Variants in CCP110 observed in about 807,000 individuals in gnomAD.
The protein encoded by CCP110 is centriolar coiled-coil protein 110, also known as centriolar coiled-coil protein of 110 kDa.
CCP110 carries 43 observed loss-of-function variants against 105.5 expected under a neutral mutation model. That is an observed-to-expected ratio of 0.41 (90% CI 0.32 to 0.53). The LOEUF (loss-of-function observed/expected upper bound fraction) is 0.53, where lower values mean the gene tolerates loss of function less well. CCP110 is among the 20% of genes least tolerant of loss of function. The pLI, the probability that CCP110 is intolerant of heterozygous loss-of-function variation, is 0.32. For synonymous variants in CCP110, 353 were observed against 392.1 expected, an observed-to-expected ratio of 0.90 and a Z score of 1.18; for missense variants, 1,016 against 1,189.1, an observed-to-expected ratio of 0.85 and a Z score of 2.14.
Position 19,548,979 on chromosome 16 carries a change from G to A in CCP110, c.2986+379G>A, listed in dbSNP as rs1970550221. Among the ~76,000 whole-genome samples, 1 of 152,162 alleles carries A rather than the reference G, an allele frequency of 6.6e-6. No individual in the cohort carries two copies. Among genetic ancestry groups the A allele is most frequent in the Non-Finnish European group, 1.5e-5 (1 of 68,034 alleles). On this transcript the variant is annotated intron_variant, in intron 14 of 14. Coordinates refer to ENST00000381396, the Ensembl canonical transcript of CCP110. This position sits in a 1 kb window ranked among gnomAD's most constrained non-coding sequence, Gnocchi z 4.1. ...CTTGGGGAAGTGTATCTGCACATAAGGGGATAAACTTTCTCCCTCAGACTA... is the reference window on the plus strand; with the variant it reads ...CTTGGGGAAGTGTATCTGCACATAAAGGGATAAACTTTCTCCCTCAGACTA...
intron 3 of CCP110, among the ~76,000 whole-genome samples, chr16:19,534,929 G>A (rs962911223): frequency 2.1e-5 from 3 of 146,270 alleles, no homozygotes; most frequent in Admixed American, 6.9e-5. Flanking sequence ...CGCCCAGGCC[G>A]GAGTGCAGTG....
intron 2 of CCP110, among the ~76,000 whole-genome samples, chr16:19,531,627 G>A (rs1269806656): frequency 2.0e-5 from 3 of 152,186 alleles, no homozygotes; most frequent in African/African-American, 7.2e-5. Flanking sequence ...TTGTGCACTG[G>A]TTAGAAAATT....
intron 14 of CCP110, among the ~76,000 whole-genome samples, chr16:19,550,036 T>TTAACCCTTGAA (rs1440751595): frequency 6.6e-6 from 1 of 152,206 alleles, no homozygotes; most frequent in Non-Finnish European, 1.5e-5. Flanking sequence ...ACAAATGAAC[T>TTAACCCTTGAA]TAACCCTTGA....
intron 8 of CCP110, among the ~76,000 whole-genome samples, chr16:19,544,401 G>A (rs1970392566): frequency 6.6e-6 from 1 of 152,178 alleles, no homozygotes; most frequent in Admixed American, 6.5e-5. Context: ...TTCCACATCT[G>A]TGGATTCAAC....
intron 2 of CCP110, among the ~76,000 whole-genome samples, chr16:19,529,628 G>A (rs1969793115): frequency 6.6e-6 from 1 of 152,140 alleles, no homozygotes; most frequent in Admixed American, 6.5e-5. Flanking sequence ...ACGGAGACCT[G>A]ACACTGCTCC....
chr16:19,530,050 A>C (rs185253209), intron 2 of CCP110, among the ~76,000 whole-genome samples: 294 of 152,088 alleles, frequency 1.9e-3, no homozygotes, highest in Non-Finnish European at 2.9e-3. Context: ...TACAAAAAAG[A>C]GCTGGGTGTG....
chr16:19,548,521 T>A lies in CCP110; in HGVS notation c.2907T>A (p.Pro969=). 1 of 1,543,736 alleles carries A rather than the reference T, an allele frequency of 6.5e-7. No individual in the cohort carries two copies. Among genetic ancestry groups the A allele is most frequent in the Non-Finnish European group, 8.8e-7 (1 of 1,141,754 alleles). ...TTTTTTTATATTCAATTAGAACCCCTAAGACATCAGTGAAGGGGGTTGTGC... is the reference window on the plus strand; with the variant it reads ...TTTTTTTATATTCAATTAGAACCCCAAAGACATCAGTGAAGGGGGTTGTGC... Residue 969 remains proline (P), a synonymous_variant, in exon 14 of 15, where the codon CCT becomes CCA. Coordinates refer to ENST00000381396, the Ensembl canonical transcript of CCP110. The surrounding 1 kb of genome is among the most constrained non-coding windows in gnomAD (Gnocchi z 4.1).
exon 15 of CCP110, chr16:19,551,355 G>A: frequency 1.1e-6 from 1 of 910,632 alleles, no homozygotes; most frequent in Non-Finnish European, 1.8e-6. Flanking sequence ...CAGACAAAGT[G>A]ACATCAGAAG....
In CCP110 at chr16:19,548,145, G is replaced by A; in HGVS notation, c.2900+131G>A. 1 of 730,886 alleles carries A rather than the reference G, an allele frequency of 1.4e-6. No individual in the cohort carries two copies. Among genetic ancestry groups the A allele is most frequent in the Non-Finnish European group, 2.4e-6 (1 of 413,670 alleles). The allele number at this position is 730,886 out of a possible 1,614,324, so 45.3% of individuals were successfully genotyped here. A position where few individuals can be genotyped will look rare whatever the true frequency, so the allele number is the denominator to read the frequency against. On this transcript the variant is annotated intron_variant, in intron 13 of 14. Coordinates refer to ENST00000381396, the Ensembl canonical transcript of CCP110. This position sits in a 1 kb window ranked among gnomAD's most constrained non-coding sequence, Gnocchi z 4.1. ...TGGGATTTTTTTTCTTTATAGCATT[G>A]GGAAAGATATTTTAAAGTTTTGTCT...
At chr16:19,528,154 T>TTAGC (rs1423330879) in intron 2 of CCP110, 132 bp downstream of exon 2, 2 of 702,974 alleles carry the variant, frequency 2.8e-6, no homozygotes, top group Non-Finnish European at 4.4e-6. Flanking sequence ...TACAAATGAA[T>TTAGC]TAGCATTTTT....
chr16:19,538,889 A>C (rs1353550263), intron 4 of CCP110, among the ~76,000 whole-genome samples: 2 of 151,954 alleles, frequency 1.3e-5, no homozygotes, highest in African/African-American at 4.8e-5. Context: ...AGGTGGGTGG[A>C]TCACTTGAGG....
At chr16:19,538,010 C>T (rs986042882) in intron 4 of CCP110, among the ~76,000 whole-genome samples, 12 of 152,196 alleles carry the variant, frequency 7.9e-5, no homozygotes, top group Non-Finnish European at 1.8e-4. Flanking sequence ...GTGAGCCTCC[C>T]GTCTCAGCCT....
chr16:19,527,067 T>C (rs1969698280), intron 1 of CCP110: 1 of 152,212 alleles, frequency 6.6e-6, no homozygotes, highest in Non-Finnish European at 1.5e-5. Context: ...TACCTTGTAT[T>C]TTCATAATCA....
intron 3 of CCP110, among the ~76,000 whole-genome samples, chr16:19,534,015 G>T (rs1969966050): frequency 6.6e-6 from 1 of 152,128 alleles, no homozygotes; most frequent in African/African-American, 2.4e-5. Context: ...CAATCTAGAC[G>T]CAGGCTGAGA....
At chr16:19,527,690 G>C (rs1435667525) in intron 1 of CCP110, 177 bp from the exon 2 acceptor site, 3 of 409,954 alleles carry the variant, frequency 7.3e-6, no homozygotes, top group Non-Finnish European at 1.3e-5. Flanking sequence ...AATTGGACAG[G>C]TTCTTGAGGT....
intron 3 of CCP110, among the ~76,000 whole-genome samples, chr16:19,535,333 ACATTCATT>A (rs34062018): frequency 1.4e-4 from 21 of 151,882 alleles, no homozygotes; most frequent in African/African-American, 7.3e-5. Flanking sequence ...ATCTATTTTT[ACATTCATT>A]CATTCATTCA....
exon 6 of CCP110, chr16:19,541,979 A>G (rs1451150140): frequency 1.2e-6 from 2 of 1,612,422 alleles, no homozygotes; most frequent in African/African-American, 2.7e-5. Flanking sequence ...TGGAATTAGA[A>G]TGGAGAAAAA....
chr16:19,524,526 T>G (rs529134546), intron 1 of CCP110, among the ~76,000 whole-genome samples: 75 of 152,244 alleles, frequency 4.9e-4, no homozygotes, highest in African/African-American at 1.7e-3. Context: ...AGCCCCTGTT[T>G]CCACAACCAA....
intron 4 of CCP110, among the ~76,000 whole-genome samples, chr16:19,539,572 T>C (rs1459447516): frequency 6.6e-6 from 1 of 152,006 alleles, no homozygotes; most frequent in Non-Finnish European, 1.5e-5. Context: ...CAGGCTGGTC[T>C]CGAACTCCTA....
Sources: allele counts gnomAD v4.1 joint callset (sites outside exome capture counted in the v4.1 genomes callset), GRCh38; gene constraint gnomAD v4.1.1; non-coding constraint Gnocchi (gnomAD v3.1); transcripts MANE v1.5; gene names NCBI Gene and HGNC (gene_info 2026-07-23, HGNC 2026-07-21).